Variants in GNAL observed in about 807,000 individuals in gnomAD.
GNAL encodes guanine nucleotide-binding protein G(olf) subunit alpha.
GNAL carries 18 observed loss-of-function variants against 55.1 expected under a neutral mutation model. The observed-to-expected ratio is 0.33, with a 90% confidence interval of 0.23 to 0.48. The LOEUF (loss-of-function observed/expected upper bound fraction) is 0.48, where lower values mean the gene tolerates loss of function less well. Among genes scored for constraint, GNAL ranks in the 20% least tolerant of loss-of-function variants. GNAL has a pLI of 0.99. For missense variants in GNAL, 412 were observed against 614.1 expected (o/e 0.67, Z 3.48); for synonymous variants, 253 against 237.0 (o/e 1.07, Z -0.62).
At chr18:11,844,828 G>A (rs555334303) in intron 5 of GNAL, among the ~76,000 whole-genome samples, 18 of 151,924 alleles carry the variant, frequency 1.2e-4, no homozygotes, top group Non-Finnish European at 1.8e-4. Flanking sequence ...TTGTACATTC[G>A]CCATTTTTAT....
At chr18:11,846,488 CA>C (rs1371359947) in intron 5 of GNAL, among the ~76,000 whole-genome samples, 2,301 of 149,728 alleles carry the variant, frequency 0.015, 58 homozygotes, top group African/African-American at 0.054. Flanking sequence ...CACACACACA[CA>C]CACAGACTCA....
At chr18:11,792,722 A>G (rs2143445556) in intron 4 of GNAL, among the ~76,000 whole-genome samples, 1 of 152,360 alleles carries the variant, frequency 6.6e-6, no homozygotes, top group South Asian at 2.1e-4. Context: ...TGAATGATTG[A>G]TCAATTGTTG....
chr18:11,774,451 C>T lies in GNAL; in HGVS notation c.624+20506C>T, dbSNP rs116722628. On this transcript the variant is annotated intron_variant, in intron 4 of 11. Coordinates refer to ENST00000334049, the MANE Select transcript of GNAL (RefSeq NM_182978.4). ...AGCGCCCATCTAAAAGAGCCACCTA[C>T]GCCTTGGTTTTCCTCTTTTTTGGTG... Among the ~76,000 whole-genome samples the T allele has an allele frequency of 6.0e-3, 912 of 152,340 alleles. 2 individuals carry two copies. The highest frequency in any genetic ancestry group is 0.01 in the Middle Eastern group (3 of 294).
intron 5 of GNAL, among the ~76,000 whole-genome samples, chr18:11,846,045 T>A (rs2143756868): frequency 1.3e-5 from 2 of 152,196 alleles, no homozygotes; most frequent in South Asian, 4.2e-4. Context: ...CACTGTTAGA[T>A]CATAGGCCTT....
chr18:11,801,334 TG>T (rs2034516329), intron 4 of GNAL, among the ~76,000 whole-genome samples: 1 of 152,188 alleles, frequency 6.6e-6, no homozygotes. Flanking sequence ...GTGGATCACC[TG>T]AGGTCAGGAG....
intron 1 of GNAL, among the ~76,000 whole-genome samples, chr18:11,701,447 C>T (rs938238509): frequency 1.2e-4 from 18 of 151,170 alleles, no homozygotes; most frequent in Non-Finnish European, 2.4e-4. Flanking sequence ...AAAAATTAGC[C>T]AGACGTTGTG....
chr18:11,864,895 A>T (rs2036225919), intron 7 of GNAL, among the ~76,000 whole-genome samples: 1 of 152,086 alleles, frequency 6.6e-6, no homozygotes, highest in East Asian at 1.9e-4. Context: ...GATCTTTCAG[A>T]TGCACAGTCA....
intron 5 of GNAL, among the ~76,000 whole-genome samples, chr18:11,861,903 C>T (rs1320046939): frequency 6.6e-6 from 1 of 151,998 alleles, no homozygotes; most frequent in Non-Finnish European, 1.5e-5. Flanking sequence ...CACATTTACT[C>T]TTGCACACCA....
chr18:11,752,339 G>A lies in GNAL; in HGVS notation c.377-514G>A. 1.3e-6 allele frequency: 2 copies of A among 1,493,320 alleles called. No individual in the cohort carries two copies. The highest frequency in any genetic ancestry group is 8.9e-7 in the Non-Finnish European group (1 of 1,126,048). The allele number at this position is 1,493,320 out of a possible 1,614,324, so 92.5% of individuals were successfully genotyped here. The stretch of plus-strand genomic sequence containing the variant: ...GACCATCTCTTTCAGCAGCAGGAAA[G>A]AGAGGAGCCGTCGCAGGAGCCGCAC... On this transcript the variant is annotated intron_variant, in intron 1 of 11. Coordinates refer to ENST00000334049, the MANE Select transcript of GNAL (RefSeq NM_182978.4). This position sits in a 1 kb window ranked among gnomAD's most constrained non-coding sequence, Gnocchi z 4.5.
At chr18:11,827,864 T>G (rs9952489) in intron 5 of GNAL, among the ~76,000 whole-genome samples, 1 of 150,466 alleles carries the variant, frequency 6.6e-6, no homozygotes, top group Non-Finnish European at 1.5e-5. Flanking sequence ...CCAGCTACTC[T>G]GGAGGCTGAG....
chr18:11,737,670 C>T (rs1360338027), intron 1 of GNAL, among the ~76,000 whole-genome samples: 2 of 152,234 alleles, frequency 1.3e-5, no homozygotes, highest in African/African-American at 2.4e-5. Context: ...GGTTTCCATC[C>T]GCACAGGGTC....
intron 1 of GNAL, among the ~76,000 whole-genome samples, chr18:11,695,924 A>ACGCACGCGCG (rs1555640058): frequency 2.8e-5 from 4 of 141,358 alleles, no homozygotes; most frequent in African/African-American, 1.1e-4. Context: ...GCACGCATGC[A>ACGCACGCGCG]CACACACACA....
At chr18:11,786,382 G>C (rs117640110) in intron 4 of GNAL, among the ~76,000 whole-genome samples, 261 of 148,316 alleles carry the variant, frequency 1.8e-3, no homozygotes, top group Non-Finnish European at 3.0e-3. Flanking sequence ...TTTTAGTAAT[G>C]GTTCTTTTAC....
chr18:11,775,758 C>G (rs2033765576), intron 4 of GNAL, among the ~76,000 whole-genome samples: 1 of 152,190 alleles, frequency 6.6e-6, no homozygotes, highest in African/African-American at 2.4e-5. Context: ...ACGCAAGATC[C>G]TATGTCCTCA....
At chr18:11,867,481 C>T (rs1286943412) in intron 8 of GNAL, among the ~76,000 whole-genome samples, 1 of 151,740 alleles carries the variant, frequency 6.6e-6, no homozygotes. Flanking sequence ...GAGTTCGAGA[C>T]CAGCCTGGCC....
chr18:11,718,031 T>A (rs1047937151), intron 1 of GNAL, among the ~76,000 whole-genome samples: 16 of 152,196 alleles, frequency 1.1e-4, no homozygotes, highest in Non-Finnish European at 1.6e-4. Context: ...TCATATTACA[T>A]GACAGTGTTA....
chr18:11,784,128 G>T (rs2143377402), intron 4 of GNAL, among the ~76,000 whole-genome samples: 1 of 152,366 alleles, frequency 6.6e-6, no homozygotes, highest in South Asian at 2.1e-4. Context: ...GACACTGCCT[G>T]GTGCTTAGCA....
At chr18:11,787,392 A>G (rs1307238712) in intron 4 of GNAL, among the ~76,000 whole-genome samples, 1 of 152,166 alleles carries the variant, frequency 6.6e-6, no homozygotes, top group Non-Finnish European at 1.5e-5. Context: ...TGACAATATG[A>G]TCACCAGTGA....
intron 4 of GNAL, among the ~76,000 whole-genome samples, chr18:11,818,391 TA>T (rs1282163964): frequency 2.6e-5 from 4 of 152,236 alleles, no homozygotes; most frequent in Non-Finnish European, 5.9e-5. Context: ...GTATCAGACC[TA>T]AACTCGAGTT....
Sources: allele counts gnomAD v4.1 joint callset (sites outside exome capture counted in the v4.1 genomes callset), GRCh38; gene constraint gnomAD v4.1.1; non-coding constraint Gnocchi (gnomAD v3.1); transcripts MANE v1.5; gene names NCBI Gene and HGNC (gene_info 2026-07-23, HGNC 2026-07-21).